UXT: variants seen among roughly 807,000 people sequenced by gnomAD.
UXT encodes ubiquitously expressed prefoldin like chaperone.
For missense variants in UXT, 111 were observed against 132.7 expected (o/e 0.84, Z 0.80); for synonymous variants, 54 against 52.8 (o/e 1.02, Z -0.10).
intron 4 of UXT, among the ~76,000 whole-genome samples, chrX:47,655,913 A>C (rs2058082049): frequency 8.9e-6 from 1 of 111,978 alleles, no homozygotes; most frequent in South Asian, 3.7e-4. Context: ...GCCCAACACA[A>C]ATTCATAAAC....
intron 4 of UXT, chrX:47,654,102 C>A (rs1468798481): frequency 4.0e-6 from 3 of 749,562 alleles, no homozygotes. Flanking sequence ...AGCTGTAACA[C>A]AAAAGGGATA....
At chrX:47,652,236 G>T in intron 4 of UXT, 92 bp from the exon 6 acceptor site, 1 of 854,436 alleles carries the variant, frequency 1.2e-6, no homozygotes, top group Non-Finnish European at 1.7e-6. Context: ...TATCCTGGAT[G>T]ATTTCCACCT....
chrX:47,657,430 C>T, intron 3 of UXT, 140 bp from the exon 5 acceptor site: 1 of 795,926 alleles, frequency 1.3e-6, no homozygotes, highest in Non-Finnish European at 1.8e-6. Flanking sequence ...CTGTCACATC[C>T]CCAGCACCTA....
intron 4 of UXT, 38 bp downstream of exon 5, chrX:47,657,145 T>C: frequency 9.4e-7 from 1 of 1,061,583 alleles, no homozygotes; most frequent in Non-Finnish European, 1.3e-6. Flanking sequence ...TTGGAAATGG[T>C]GGTGTTTTTA....
chrX:47,654,113 T>C, intron 4 of UXT: 1 of 747,862 alleles, frequency 1.3e-6, no homozygotes. Flanking sequence ...AAAAGGGATA[T>C]GTTTATTACT....
rs891057606 is a variant in UXT, at chrX:47,657,232, G to A, written c.343C>T (p.Leu115=). 1.7e-6 allele frequency: 2 copies of A among 1,208,397 alleles called. No homozygotes were observed. Among genetic ancestry groups the A allele is most frequent in the African/African-American group, 1.7e-5 (1 of 57,756 alleles). The change falls in exon 4 of 6, where the codon CTG becomes TTG. Residue 115 remains leucine, a synonymous_variant. Coordinates refer to ENST00000335890, the MANE Select transcript of UXT (RefSeq NM_153477.3). ...TCAATGAACTTGAGAGCTTCTGCCA[G>A]TGTCAACTCCAGGAAAAAACCATAT...
chrX:47,651,908 A>G lies in UXT; in HGVS notation c.457-13T>C. On this transcript the variant is annotated splice_polypyrimidine_tract_variant and intron_variant, in intron 5 of 5. Transcript: ENST00000335890. ...GTTCTCTAAGCCCCTGAAAAAGAGG[A>G]CAGAAGAGATTGAACAAAGACTGGG... 1.7e-6 allele frequency: 2 copies of G among 1,210,049 alleles called. No homozygotes were observed. Among genetic ancestry groups the G allele is most frequent in the South Asian group, 3.5e-5 (2 of 56,792 alleles).
intron 4 of UXT, chrX:47,653,890 T>C (rs1178238432): frequency 8.0e-6 from 1 of 125,406 alleles, no homozygotes; most frequent in African/African-American, 3.2e-5. Flanking sequence ...GTATGGGTGT[T>C]GTTGCCAGAG....
Position 47,659,111 on chromosome X carries a change from T to C in UXT, c.-148A>G. Reference sequence around the variant, plus strand: ...ACCCAGGGACACCCAAGCGCGGCCTTTACCTCAGGCCGCCAGCAATAAGAA... The same window carrying C: ...ACCCAGGGACACCCAAGCGCGGCCTCTACCTCAGGCCGCCAGCAATAAGAA... On this transcript the variant is annotated 5_prime_UTR_variant, in exon 1 of 6. Transcript: ENST00000335890. 1 of 889,686 alleles carries C rather than the reference T, an allele frequency of 1.1e-6. No homozygotes were observed. The highest frequency in any genetic ancestry group is 2.1e-5 in the South Asian group (1 of 47,069). The allele number at this position is 889,686 out of a possible 1,213,427, so 73.3% of individuals were successfully genotyped here. A position where few individuals can be genotyped will look rare whatever the true frequency, so the allele number is the denominator to read the frequency against.
intron 4 of UXT, among the ~76,000 whole-genome samples, chrX:47,656,396 G>T (rs1037893674): frequency 9.0e-6 from 1 of 111,635 alleles, no homozygotes; most frequent in Non-Finnish European, 1.9e-5. Context: ...AGTCACCTGG[G>T]TATAAGGGAA....
intron 4 of UXT, among the ~76,000 whole-genome samples, chrX:47,654,911 G>A (rs138261935): frequency 0.013 from 1,499 of 112,140 alleles, 13 homozygotes; most frequent in East Asian, 0.038. Flanking sequence ...GGGGAAGTAC[G>A]TGGAGTCTCA....
chrX:47,657,230 C>T lies in UXT; in HGVS notation c.345G>A (p.Leu115=), dbSNP rs781651653. The T allele has an allele frequency of 9.9e-6, 12 of 1,208,179 alleles. No individual in the cohort carries two copies. Among genetic ancestry groups the T allele is most frequent in the Non-Finnish European group, 1.0e-5 (9 of 893,738 alleles). Reference sequence around the variant, plus strand: ...GATCAATGAACTTGAGAGCTTCTGCCAGTGTCAACTCCAGGAAAAAACCAT... The same window carrying T: ...GATCAATGAACTTGAGAGCTTCTGCTAGTGTCAACTCCAGGAAAAAACCAT... Residue 115 remains leucine, a synonymous_variant, in exon 4 of 6, where the codon CTG becomes CTA. Coordinates refer to ENST00000335890, the MANE Select transcript of UXT (RefSeq NM_153477.3).
At chrX:47,658,708 A>C in intron 1 of UXT, 122 bp downstream of exon 2, 1 of 966,268 alleles carries the variant, frequency 1.0e-6, no homozygotes, top group Non-Finnish European at 1.3e-6. Context: ...TCTCGCTCCA[A>C]GGAGCGCGGG....
At chrX:47,658,728 T>A in intron 1 of UXT, 102 bp downstream of exon 2, 1 of 1,035,462 alleles carries the variant, frequency 9.7e-7, no homozygotes, top group Non-Finnish European at 1.3e-6. Context: ...GGCCGGACTC[T>A]GAACGCCTCG....
At chrX:47,657,124 G>A in intron 4 of UXT, 59 bp downstream of exon 5, 1 of 969,791 alleles carries the variant, frequency 1.0e-6, no homozygotes, top group Non-Finnish European at 1.4e-6. Context: ...ATGGGTAAAG[G>A]GAGAAGAGTG....
At chrX:47,657,154 T>C (rs1460482079) in intron 4 of UXT, 29 bp downstream of exon 5, 1 of 1,124,839 alleles carries the variant, frequency 8.9e-7, no homozygotes. Flanking sequence ...GTGGTGTTTT[T>C]ACACACTATC....
intron 4 of UXT, chrX:47,656,982 G>A (rs868116887): frequency 9.7e-6 from 4 of 413,336 alleles, no homozygotes; most frequent in East Asian, 7.9e-5. Context: ...AAATGTTTGC[G>A]TGAATGAACA....
Position 47,657,622 on chromosome X carries a change from C to T in UXT, c.234G>A (p.Glu78=), listed in dbSNP as rs749426573. The T allele has an allele frequency of 8.3e-6, 10 of 1,208,122 alleles. No individual in the cohort carries two copies. In the Admixed American group the frequency reaches 1.8e-4, roughly 21 times the overall value. The change falls in exon 3 of 6, where the codon GAG becomes GAA. Residue 78 remains glutamate (E), a synonymous_variant. Coordinates refer to ENST00000335890, the MANE Select transcript of UXT (RefSeq NM_153477.3). ...AGCCCAAATCCACCTGCATATATAACTCCGAGTGCTTAGCTTCCTGTGGGG... is the reference window on the plus strand; with the variant it reads ...AGCCCAAATCCACCTGCATATATAATTCCGAGTGCTTAGCTTCCTGTGGGG...
chrX:47,658,608 G>A (rs1049104126), intron 1 of UXT, among the ~76,000 whole-genome samples: 1 of 112,342 alleles, frequency 8.9e-6, no homozygotes, highest in Non-Finnish European at 1.9e-5. Flanking sequence ...GCCTTAATCT[G>A]TTAAACATCG....
Sources: allele counts gnomAD v4.1 joint callset (sites outside exome capture counted in the v4.1 genomes callset), GRCh38; gene constraint gnomAD v4.1.1; transcripts MANE v1.5; gene names NCBI Gene and HGNC (gene_info 2026-07-23, HGNC 2026-07-21).